OSBPL9: variants seen among roughly 807,000 people sequenced by gnomAD.
OSBPL9 encodes oxysterol binding protein like 9.
A neutral mutation model predicts 106.6 loss-of-function variants in OSBPL9; 40 were observed. The ratio of observed to expected loss-of-function variants is 0.38; its 90% CI spans 0.29 to 0.49. The LOEUF (loss-of-function observed/expected upper bound fraction) is 0.49. Among genes scored for constraint, OSBPL9 ranks in the 20% least tolerant of loss-of-function variants. The pLI is 0.97. For synonymous variants in OSBPL9, 269 were observed against 295.4 expected (o/e 0.91, Z 0.92); for missense variants, 609 against 887.2 (o/e 0.69, Z 3.98).
chr1:51,545,114 G>T, the OSBPL9 span, among the ~76,000 whole-genome samples: 2 of 152,044 alleles, frequency 1.3e-5, no homozygotes, highest in Admixed American at 6.5e-5. Flanking sequence ...AATGTGCTGG[G>T]ATTACAGGCG....
At chr1:51,610,393 TG>T (rs1643979509) in intron 2 of OSBPL9, among the ~76,000 whole-genome samples, 1 of 152,130 alleles carries the variant, frequency 6.6e-6, no homozygotes, top group Admixed American at 6.5e-5. Flanking sequence ...CCTGAGTAGC[TG>T]GGATTATAGG....
chr1:51,755,974 T>G (rs1316224146), intron 8 of OSBPL9, among the ~76,000 whole-genome samples: 1 of 152,242 alleles, frequency 6.6e-6, no homozygotes, highest in African/African-American at 2.4e-5. Context: ...GTGACTAGCT[T>G]CTTTCACTTA....
At chr1:51,601,913 T>A (rs2148603902) in intron 2 of OSBPL9, among the ~76,000 whole-genome samples, 1 of 151,910 alleles carries the variant, frequency 6.6e-6, no homozygotes, top group East Asian at 1.9e-4. Flanking sequence ...AATGGTTAAG[T>A]AACTTTGCCA....
intron 4 of OSBPL9, among the ~76,000 whole-genome samples, chr1:51,717,495 T>C (rs942070579): frequency 1.3e-5 from 2 of 152,194 alleles, no homozygotes; most frequent in African/African-American, 4.8e-5. Context: ...TTTAGTACTT[T>C]CTTGTTTTGC....
At chr1:51,778,266 G>A (rs540106474) in intron 15 of OSBPL9, among the ~76,000 whole-genome samples, 2 of 152,220 alleles carry the variant, frequency 1.3e-5, no homozygotes, top group East Asian at 3.9e-4. Context: ...GCATGAACAA[G>A]GAACAAAGGG....
chr1:51,579,895 C>T (rs976318836), intron 1 of OSBPL9, among the ~76,000 whole-genome samples: 1 of 122,628 alleles, frequency 8.2e-6, no homozygotes, highest in Admixed American at 7.7e-5. Context: ...ATAATTTAAA[C>T]GTTCTTGAAG....
At chr1:51,776,260 G>C (rs955420220) in intron 14 of OSBPL9, among the ~76,000 whole-genome samples, 3 of 152,056 alleles carry the variant, frequency 2.0e-5, no homozygotes, top group Non-Finnish European at 4.4e-5. Flanking sequence ...TTGGATTGTA[G>C]GTGCTCATCA....
At chr1:51,785,652 A>C in intron 20 of OSBPL9, 156 bp from the exon 21 acceptor site, 2 of 605,768 alleles carry the variant, frequency 3.3e-6, no homozygotes, top group Non-Finnish European at 5.8e-6. Context: ...TCATTCTTAT[A>C]GTTAGCCCTG....
At chr1:51,522,485 TGA>T in the OSBPL9 span, among the ~76,000 whole-genome samples, 2 of 151,714 alleles carry the variant, frequency 1.3e-5, no homozygotes, top group South Asian at 2.1e-4. Context: ...CTAGAACTTC[TGA>T]GAGAGGTGTT....
rs1651724622 is a variant in OSBPL9, at chr1:51,678,135, A to G, written c.241+8623A>G. 2.6e-5 allele frequency among the ~76,000 whole-genome samples: 4 copies of G among 152,132 alleles called. No individual in the cohort carries two copies. In the South Asian group the frequency reaches 8.3e-4, roughly 31 times the overall value. On this transcript the variant is annotated intron_variant, in intron 3 of 23. Transcript: ENST00000428468. ...GAGTTTAAGGCTGCAGTGAGCTAGG[A>G]TCACACCACTGCACTTCAGCCTGGG...
At chr1:51,730,761 T>C (rs571038471) in intron 4 of OSBPL9, among the ~76,000 whole-genome samples, 52 of 152,344 alleles carry the variant, frequency 3.4e-4, no homozygotes, top group African/African-American at 1.3e-3. Context: ...TTTGAAGTAA[T>C]ACTTTGTTTT....
chr1:51,556,827 GTATATATATACATATATATGTA>G, the OSBPL9 span, among the ~76,000 whole-genome samples: 1 of 148,330 alleles, frequency 6.7e-6, no homozygotes, highest in African/African-American at 2.5e-5. Context: ...ATATATATGT[GTATATATATACATATATATGTA>G]TATATATATC....
intron 2 of OSBPL9, among the ~76,000 whole-genome samples, chr1:51,654,529 A>C (rs1646707249): frequency 6.6e-6 from 1 of 152,156 alleles, no homozygotes; most frequent in African/African-American, 2.4e-5. Context: ...AAGAATTGGA[A>C]ACAGGGACTG....
At chr1:51,773,340 G>A (rs1463716603) in intron 14 of OSBPL9, among the ~76,000 whole-genome samples, 4 of 152,126 alleles carry the variant, frequency 2.6e-5, no homozygotes, top group Non-Finnish European at 5.9e-5. Flanking sequence ...GGAGACTGGT[G>A]TATGGGTGCC....
chr1:51,524,345 G>A, the OSBPL9 span, among the ~76,000 whole-genome samples: 2 of 152,324 alleles, frequency 1.3e-5, no homozygotes, highest in African/African-American at 4.8e-5. Flanking sequence ...TTTAGGACTG[G>A]GAAGGCCCAG....
intron 2 of OSBPL9, among the ~76,000 whole-genome samples, chr1:51,664,866 T>G (rs1375152404): frequency 1.3e-5 from 2 of 152,210 alleles, no homozygotes; most frequent in Admixed American, 1.3e-4. Flanking sequence ...ATATGTTACA[T>G]TTCAATGTAG....
At chr1:51,539,500 C>T in the OSBPL9 span, among the ~76,000 whole-genome samples, 1 of 152,076 alleles carries the variant, frequency 6.6e-6, no homozygotes, top group African/African-American at 2.4e-5. Context: ...CCTTTTATGC[C>T]CCCACATTCA....
chr1:51,730,788 G>A (rs1664201927), intron 4 of OSBPL9, among the ~76,000 whole-genome samples: 1 of 152,100 alleles, frequency 6.6e-6, no homozygotes, highest in East Asian at 1.9e-4. Context: ...TGATTAAACT[G>A]TTTACTTTTA....
At chr1:51,577,321 C>CTTTTTTTTTTTTTTT (rs762583157) in intron 1 of OSBPL9, 1 of 129,896 alleles carries the variant, frequency 7.7e-6, no homozygotes, top group Non-Finnish European at 1.7e-5. Context: ...TTTTTCTTTT[C>CTTTTTTTTTTTTTTT]TTTTTTTTTT....
Sources: gnomAD v4.1 joint callset for allele counts (sites outside exome capture counted in the v4.1 genomes callset) on GRCh38, gnomAD v4.1.1 for gene constraint, MANE v1.5 for transcripts, NCBI Gene and HGNC (gene_info 2026-07-23, HGNC 2026-07-21) for gene names.